The following MCRIP1 variants were observed in gnomAD, a reference collection of about 807,000 sequenced individuals.
MCRIP1 encodes MAPK regulated corepressor interacting protein 1, also known as mapk-regulated corepressor-interacting protein 1.
MCRIP1 carries 10 observed loss-of-function variants against 14.4 expected under a neutral mutation model. That is an observed-to-expected ratio of 0.70 (90% CI 0.43 to 1.18). MCRIP1 has a LOEUF of 1.18. Ranked by LOEUF, MCRIP1 falls within the 50% of genes most tolerant of loss-of-function variation. The pLI is 0.00. For missense variants in MCRIP1, 119 were observed against 135.4 expected (o/e 0.88, Z 0.60); for synonymous variants, 53 against 55.7 (o/e 0.95, Z 0.21).
At chr17:81,832,296 C>T (rs1300256509) in intron 1 of MCRIP1, among the ~76,000 whole-genome samples, 6 of 152,158 alleles carry the variant, frequency 3.9e-5, no homozygotes, top group African/African-American at 7.2e-5. Context: ...TTGAAGACCG[C>T]CCAGGGAAAG....
intron 1 of MCRIP1, 54 bp from the exon 2 acceptor site, chr17:81,824,608 G>A: frequency 1.3e-6 from 2 of 1,533,458 alleles, no homozygotes; most frequent in Non-Finnish European, 1.7e-6. Flanking sequence ...CTCCAGCACA[G>A]AAGGAGGGGG....
In MCRIP1 at chr17:81,823,252, A is replaced by G; in HGVS notation, c.289T>C (p.Ser97Pro). The change falls in exon 5 of 5, where the codon TCC becomes CCC. Residue 97 changes from serine to proline, a missense_variant. By Grantham distance (74) the Ser-to-Pro change is moderately conservative. Coordinates refer to ENST00000455127, the MANE Select transcript of MCRIP1 (RefSeq NM_207368.5). The surrounding 1 kb of genome is among the most constrained non-coding windows in gnomAD (Gnocchi z 6.0). ...GGGGAGGGGCACCGGGCGCTCTAGG[A>G]CTTCTTGGCATCCTGCGTGCTCCGG... ...KRRSTQDAKK[S>P] The G allele has an allele frequency of 6.5e-7, 1 of 1,536,604 alleles. No individual in the cohort carries two copies. Among genetic ancestry groups the G allele is most frequent in the South Asian group, 1.2e-5 (1 of 84,054 alleles).
chr17:81,826,145 G>A lies in MCRIP1; in HGVS notation c.-48-1591C>T, dbSNP rs1016538585. 7 of 1,489,156 alleles carry A rather than the reference G, an allele frequency of 4.7e-6. No individual in the cohort carries two copies. The African/African-American group carries it at 8.3e-5, about 18-fold the overall frequency. 92.2% of individuals were successfully genotyped at this position (1,489,156 alleles called of 1,614,324 possible). ...TGGGATCCCCCTGCTGGGTTCGGTTGTCACTCCTGCCCCAGATCCCACTGA... is the reference window on the plus strand; with the variant it reads ...TGGGATCCCCCTGCTGGGTTCGGTTATCACTCCTGCCCCAGATCCCACTGA... On this transcript the variant is annotated intron_variant, in intron 1 of 4. Coordinates refer to ENST00000455127, the MANE Select transcript of MCRIP1 (RefSeq NM_207368.5).
rs1372035721 is a variant in MCRIP1, at chr17:81,824,301, C to T, written c.113G>A (p.Arg38His). 3.3e-6 allele frequency: 5 copies of T among 1,536,076 alleles called. No homozygotes were observed. The highest frequency in any genetic ancestry group is 1.4e-5 in the African/African-American group (1 of 73,142). Residue 38 changes from arginine to histidine, a missense_variant, in exon 3 of 5, where the codon CGC becomes CAC. Coordinates refer to ENST00000455127, the MANE Select transcript of MCRIP1 (RefSeq NM_207368.5). Reference sequence around the variant, plus strand: ...GGCGCACCCACCTTCGTAAATGAAGCGGACGTTCTCCTCGTGGGCTGGGGT... The same window carrying T: ...GGCGCACCCACCTTCGTAAATGAAGTGGACGTTCTCCTCGTGGGCTGGGGT... ...IFTPAHEENV[R>H]FIYEAWQGVE...
rs759843848 is a variant in MCRIP1, at chr17:81,823,381, C to T, written c.229+31G>A. 8.5e-6 allele frequency: 13 copies of T among 1,535,978 alleles called. No individual in the cohort carries two copies. The South Asian group carries it at 1.2e-4, about 14-fold the overall frequency. Reference sequence around the variant, plus strand: ...GCCCATGAGGCCCGGCCTGCCGGCCCAGCCCTGCCCCCAGGTCAGCCCCCA... The same window carrying T: ...GCCCATGAGGCCCGGCCTGCCGGCCTAGCCCTGCCCCCAGGTCAGCCCCCA... On this transcript the variant is annotated intron_variant, in intron 4 of 4. Transcript: ENST00000455127. The surrounding 1 kb of genome is among the most constrained non-coding windows in gnomAD (Gnocchi z 6.0).
intron 1 of MCRIP1, among the ~76,000 whole-genome samples, chr17:81,829,128 G>A (rs993085907): frequency 1.3e-5 from 2 of 152,202 alleles, no homozygotes; most frequent in African/African-American, 4.8e-5. Flanking sequence ...AAGCGCCGGG[G>A]GCAGCCGGAA....
At chr17:81,831,563 G>A (rs1395788425) in intron 1 of MCRIP1, among the ~76,000 whole-genome samples, 1 of 152,042 alleles carries the variant, frequency 6.6e-6, no homozygotes, top group Non-Finnish European at 1.5e-5. Context: ...ACCAGCCACA[G>A]CAAACACTTG....
At chr17:81,826,596 G>C in intron 1 of MCRIP1, 2 of 559,470 alleles carry the variant, frequency 3.6e-6, no homozygotes, top group Non-Finnish European at 6.3e-6. Flanking sequence ...GAGGCGGGTG[G>C]ATCAGCTGAG....
intron 1 of MCRIP1, chr17:81,825,039 T>C: frequency 9.9e-7 from 1 of 1,014,836 alleles, no homozygotes; most frequent in Non-Finnish European, 1.2e-6. Context: ...TGATTTCCTT[T>C]CTGTAAAACG....
intron 1 of MCRIP1, chr17:81,826,763 A>G (rs2038408710): frequency 5.5e-5 from 10 of 183,424 alleles, no homozygotes; most frequent in Middle Eastern, 4.3e-3. Flanking sequence ...AGGTGCAGTG[A>G]GCCAAGATCG....
chr17:81,826,023 T>G (rs2038385937), intron 1 of MCRIP1: 1 of 1,394,430 alleles, frequency 7.2e-7, no homozygotes. Flanking sequence ...GCTTTAGGGG[T>G]ACCTGCCTCC....
chr17:81,826,729 G>T (rs921588899), intron 1 of MCRIP1: 2 of 238,758 alleles, frequency 8.4e-6, no homozygotes, highest in Non-Finnish European at 8.1e-6. Context: ...TGAAACAGGA[G>T]AATCGCTTGA....
chr17:81,823,581 T>A lies in MCRIP1; in HGVS notation c.128-68A>T. The A allele has an allele frequency of 7.5e-7, 1 of 1,331,992 alleles. No individual in the cohort carries two copies. The highest frequency in any genetic ancestry group is 1.0e-6 in the Non-Finnish European group (1 of 965,160). The allele number at this position is 1,331,992 out of a possible 1,614,324, so 82.5% of individuals were successfully genotyped here. A position where few individuals can be genotyped will look rare whatever the true frequency, so the allele number is the denominator to read the frequency against. On this transcript the variant is annotated intron_variant, in intron 3 of 4. Coordinates refer to ENST00000455127, the MANE Select transcript of MCRIP1 (RefSeq NM_207368.5). This position sits in a 1 kb window ranked among gnomAD's most constrained non-coding sequence, Gnocchi z 6.0. The stretch of plus-strand genomic sequence containing the variant: ...GGGGGTGGCATCCACGTCACGAGAG[T>A]GCCTGCCCTCAGCTCCTGCCCTCCC...
rs908730609 is a variant in MCRIP1 at position 81,824,523 on chromosome 17, C to G, written c.-17G>C. 63 of 1,535,914 alleles carry G rather than the reference C, an allele frequency of 4.1e-5. No homozygotes were observed. The highest frequency in any genetic ancestry group is 5.4e-5 in the Non-Finnish European group (62 of 1,146,786). On this transcript the variant is annotated 5_prime_UTR_variant, in exon 2 of 5. Transcript: ENST00000455127. The stretch of plus-strand genomic sequence containing the variant: ...CCTGGTCATCGCGGGGGCGTCTGAT[C>G]CTAGCGCTCCACCGCCAGATCCCCT...
intron 1 of MCRIP1, among the ~76,000 whole-genome samples, chr17:81,831,369 AC>A (rs2038513988): frequency 6.7e-6 from 1 of 148,382 alleles, no homozygotes; most frequent in Admixed American, 6.7e-5. Flanking sequence ...AAACAAACAA[AC>A]AAAAAAGGGC....
chr17:81,824,953 G>A, intron 1 of MCRIP1: 1 of 1,101,602 alleles, frequency 9.1e-7, no homozygotes, highest in Non-Finnish European at 1.1e-6. Flanking sequence ...CACTGCAGCA[G>A]AGGGCCTGCA....
At chr17:81,830,656 G>C (rs1261314038) in intron 1 of MCRIP1, among the ~76,000 whole-genome samples, 1 of 151,890 alleles carries the variant, frequency 6.6e-6, no homozygotes, top group Non-Finnish European at 1.5e-5. Context: ...AAAAAAGAAA[G>C]GGGCTAGATG....
At chr17:81,824,090 T>C (rs1045265637) in intron 3 of MCRIP1, among the ~76,000 whole-genome samples, 197 bp downstream of exon 3, 5 of 151,980 alleles carry the variant, frequency 3.3e-5, no homozygotes, top group Non-Finnish European at 1.5e-5. Flanking sequence ...CCAGGTCTCC[T>C]CTCTACACAA....
chr17:81,825,619 A>T (rs1402406487), intron 1 of MCRIP1: 4 of 1,289,400 alleles, frequency 3.1e-6, no homozygotes, highest in Non-Finnish European at 4.0e-6. Flanking sequence ...CCAGCCCTCA[A>T]ACACCACGTG....
Sources: allele counts gnomAD v4.1 joint callset (sites outside exome capture counted in the v4.1 genomes callset), GRCh38; gene constraint gnomAD v4.1.1; non-coding constraint Gnocchi (gnomAD v3.1); transcripts MANE v1.5; gene names NCBI Gene and HGNC (gene_info 2026-07-23, HGNC 2026-07-21).